Variants in ZSWIM9 observed in about 807,000 individuals in gnomAD.
ZSWIM9 encodes the protein uncharacterized protein ZSWIM9.
ZSWIM9 carries 11 observed loss-of-function variants against 25.0 expected under a neutral mutation model. The observed-to-expected ratio is 0.44, with a 90% CI of 0.28 to 0.73. The LOEUF is 0.73. Among genes scored for constraint, ZSWIM9 ranks in the 30% least tolerant of loss-of-function variants. The probability of loss-of-function intolerance (pLI) is 0.16; values close to 1 mark genes in which losing one functional copy is unlikely to be tolerated. For missense variants in ZSWIM9, 1,070 were observed against 1,296.5 expected, an observed-to-expected ratio of 0.83 and a Z score of 2.68; for synonymous variants, 562 against 582.1, an observed-to-expected ratio of 0.97 and a Z score of 0.50.
At chr19:48,187,459 A>AT (rs1416122137) in intron 3 of ZSWIM9, among the ~76,000 whole-genome samples, 4,277 of 77,320 alleles carry the variant, frequency 0.055, 736 homozygotes, top group South Asian at 0.078. Context: ...ATTATATATT[A>AT]ATTATATATA....
At chr19:48,174,652 GA>G (rs1254998855) in intron 2 of ZSWIM9, 1 of 152,204 alleles carries the variant, frequency 6.6e-6, no homozygotes, top group African/African-American at 2.4e-5. Context: ...CATGTATTGT[GA>G]AATACATTCT....
Position 48,194,527 on chromosome 19 carries a change from C to A in ZSWIM9, c.589-126C>A. On this transcript the variant is annotated intron_variant, in intron 3 of 3. Transcript: ENST00000614654. The surrounding 1 kb of genome is among the most constrained non-coding windows in gnomAD (Gnocchi z 6.0). ...CTCCTGCCGGTCAAAAGAATAAATGCATATGCAGGCAAGAATGAATGGGTG... is the reference window on the plus strand; with the variant it reads ...CTCCTGCCGGTCAAAAGAATAAATGAATATGCAGGCAAGAATGAATGGGTG... 2 of 961,998 alleles carry A rather than the reference C, an allele frequency of 2.1e-6. No homozygotes were observed. Among genetic ancestry groups the A allele is most frequent in the Non-Finnish European group, 2.8e-6 (2 of 709,074 alleles). The allele number at this position is 961,998 out of a possible 1,614,324, so 59.6% of individuals were successfully genotyped here. A position where few individuals can be genotyped will look rare whatever the true frequency, so the allele number is the denominator to read the frequency against.
chr19:48,192,407 G>A (rs1228888251), intron 3 of ZSWIM9, among the ~76,000 whole-genome samples: 3 of 126,186 alleles, frequency 2.4e-5, no homozygotes, highest in East Asian at 2.5e-4. Context: ...CCAAGATCAC[G>A]CCACTGCACT....
chr19:48,178,287 A>G (rs2123199139), intron 2 of ZSWIM9, among the ~76,000 whole-genome samples: 1 of 152,328 alleles, frequency 6.6e-6, no homozygotes, highest in Middle Eastern at 3.4e-3. Flanking sequence ...CACCTCGTGC[A>G]TGTAGGAAAA....
At chr19:48,177,397 A>G (rs1414398461) in intron 2 of ZSWIM9, among the ~76,000 whole-genome samples, 1 of 152,216 alleles carries the variant, frequency 6.6e-6, no homozygotes, top group Admixed American at 6.5e-5. Context: ...TCACACACTT[A>G]CTGAATACCT....
chr19:48,192,843 C>T (rs143669573), intron 3 of ZSWIM9, among the ~76,000 whole-genome samples: 123 of 152,166 alleles, frequency 8.1e-4, no homozygotes, highest in Non-Finnish European at 1.2e-3. Context: ...CAAGGCGACC[C>T]CATCAGTCTC....
Position 48,171,899 on chromosome 19 carries a change from T to C in ZSWIM9, c.97T>C (p.Phe33Leu), listed in dbSNP as rs1470165845. ...CTTCTCGTGGGCCGAGTTCAGCCGC[T>C]TCTTCGACGCGTGGTGCCAGCAGCG... ...AFFSWAEFSR[F>L]FDAWCQQRLA... is the part of the protein sequence containing the mutation. The change falls in exon 2 of 4, where the codon TTC (phenylalanine) becomes CTC (leucine). Residue 33 changes from phenylalanine (F) to leucine (L), a missense_variant. Around this residue, in one of 4 missense-constraint regions of ZSWIM9, gnomAD observed 265 missense variants for 339.0 expected, o/e 0.78. Transcript: ENST00000614654. 2.0e-6 allele frequency: 3 copies of C among 1,535,780 alleles called. No individual in the cohort carries two copies. The Admixed American group carries it at 5.9e-5, about 30-fold the overall frequency.
rs547550879 is a variant in ZSWIM9 at position 48,186,937 on chromosome 19, G to A, written c.588+4170G>A. Among the ~76,000 whole-genome samples the A allele has an allele frequency of 1.9e-4, 29 of 152,270 alleles. No homozygotes were observed. The East Asian group carries it at 5.0e-3, about 26-fold the overall frequency. Reference sequence around the variant, plus strand: ...ACAGAATAAACCCCCAGTCACTGGGGGTGGGGGAAGAGTAAGGGGAGAGGG... The same window carrying A: ...ACAGAATAAACCCCCAGTCACTGGGAGTGGGGGAAGAGTAAGGGGAGAGGG... On this transcript the variant is annotated intron_variant, in intron 3 of 3. Coordinates refer to ENST00000614654, the MANE Select transcript of ZSWIM9 (RefSeq NM_199341.4).
chr19:48,182,752 C>G lies in ZSWIM9; in HGVS notation c.573C>G (p.Thr191=). The G allele has an allele frequency of 2.0e-6, 3 of 1,527,656 alleles. No homozygotes were observed. Among genetic ancestry groups the G allele is most frequent in the Non-Finnish European group, 2.6e-6 (3 of 1,140,304 alleles). 94.6% of individuals were successfully genotyped at this position (1,527,656 alleles called of 1,614,324 possible). The stretch of plus-strand genomic sequence containing the variant: ...ACGTGCTCGAGGGCCTCTTCCGCAC[C>G]GACCCCGAGGCCAAGGTGGGGTCTC... ...ALHVLEGLFR[T]DPEAKVKLVF... The change falls in exon 3 of 4, where the codon ACC becomes ACG. Residue 191 remains threonine, a synonymous_variant. Transcript: ENST00000614654. This position sits in a 1 kb window ranked among gnomAD's most constrained non-coding sequence, Gnocchi z 4.6.
At chr19:48,190,530 T>C (rs943661655) in intron 3 of ZSWIM9, 11 of 154,860 alleles carry the variant, frequency 7.1e-5, no homozygotes, top group African/African-American at 2.6e-4. Context: ...AGGCTTCTCC[T>C]TGGATGCGAT....
At chr19:48,183,329 A>G (rs554724720) in intron 3 of ZSWIM9, among the ~76,000 whole-genome samples, 126 of 151,934 alleles carry the variant, frequency 8.3e-4, no homozygotes, top group African/African-American at 2.7e-3. Context: ...GGGTTTCACC[A>G]TGTTAGCCAG....
chr19:48,182,969 G>A lies in ZSWIM9; in HGVS notation c.588+202G>A. 1 of 589,500 alleles carries A rather than the reference G, an allele frequency of 1.7e-6. No homozygotes were observed. Among genetic ancestry groups the A allele is most frequent in the Non-Finnish European group, 3.0e-6 (1 of 330,870 alleles). The allele number at this position is 589,500 out of a possible 1,614,324, so 36.5% of individuals were successfully genotyped here. A position where few individuals can be genotyped will look rare whatever the true frequency, so the allele number is the denominator to read the frequency against. The stretch of plus-strand genomic sequence containing the variant: ...CCCACGTGGTCTCTGTCCGCAGAGA[G>A]CTTACCTTCTAGGGTAGTGCTGCCC... On this transcript the variant is annotated intron_variant, in intron 3 of 3. Coordinates refer to ENST00000614654, the MANE Select transcript of ZSWIM9 (RefSeq NM_199341.4). The surrounding 1 kb of genome is among the most constrained non-coding windows in gnomAD (Gnocchi z 4.6).
chr19:48,171,461 T>TC, intron 1 of ZSWIM9: 4 of 873,290 alleles, frequency 4.6e-6, no homozygotes, highest in Non-Finnish European at 5.5e-6. Context: ...TGAGGAGATG[T>TC]CCTTAAGGGA....
chr19:48,177,897 A>AT (rs576700943), intron 2 of ZSWIM9, among the ~76,000 whole-genome samples: 4 of 152,062 alleles, frequency 2.6e-5, no homozygotes, highest in Non-Finnish European at 5.9e-5. Flanking sequence ...CTAAATGTGC[A>AT]TTATTTTTGT....
chr19:48,196,730 C>T lies in ZSWIM9; in HGVS notation c.2666C>T (p.Pro889Leu). The T allele has an allele frequency of 8.1e-7, 1 of 1,233,376 alleles. No homozygotes were observed. Among genetic ancestry groups the T allele is most frequent in the Non-Finnish European group, 1.0e-6 (1 of 988,864 alleles). The allele number at this position is 1,233,376 out of a possible 1,614,324, so 76.4% of individuals were successfully genotyped here. A position where few individuals can be genotyped will look rare whatever the true frequency, so the allele number is the denominator to read the frequency against. ...SCSIHAARRL[P>L]CRHLFAARLL... is the part of the protein sequence containing the mutation. ...TCAATTCACGCCGCCCGCCGTCTGC[C>T]CTGCAGACACCTCTTTGCAGCGCGC... The change falls in exon 4 of 4, where the codon CCC (proline) becomes CTC (leucine). Residue 889 changes from proline (P) to leucine (L), a missense_variant. Physicochemically the swap from Pro to Leu is moderately conservative, Grantham distance 98. This residue lies in a region of ZSWIM9 where 583 missense variants were observed against 624.7 expected (regional missense o/e 0.93). Transcript: ENST00000614654.
At chr19:48,188,360 C>T (rs937229420) in intron 3 of ZSWIM9, among the ~76,000 whole-genome samples, 1 of 151,922 alleles carries the variant, frequency 6.6e-6, no homozygotes, top group African/African-American at 2.4e-5. Context: ...GTAGCTGGGA[C>T]TACAGGCGTG....
In ZSWIM9 at chr19:48,196,257, A is replaced by G; in HGVS notation, c.2193A>G (p.Gly731=). The stretch of plus-strand genomic sequence containing the variant: ...CGAGGGTCACAGGCATGGAGAATGG[A>G]GATGGAGGGGGAGCCCGGTCCGTGG... The part of the protein sequence containing the change: ...GDTRVTGMEN[G]DGGGARSVGP... Residue 731 remains glycine (G), a synonymous_variant, in exon 4 of 4, where the codon GGA becomes GGG. Transcript: ENST00000614654. The G allele has an allele frequency of 8.1e-7, 1 of 1,232,794 alleles. No homozygotes were observed. The highest frequency in any genetic ancestry group is 1.6e-5 in the African/African-American group (1 of 64,262). The allele number at this position is 1,232,794 out of a possible 1,614,324, so 76.4% of individuals were successfully genotyped here.
At position 48,195,877 on chromosome 19, in the gene ZSWIM9, A is replaced by G. The variant is rs2037157469; in HGVS notation, c.1813A>G (p.Ser605Gly). 17 of 1,414,602 alleles carry G rather than the reference A, an allele frequency of 1.2e-5. No individual in the cohort carries two copies. The highest frequency in any genetic ancestry group is 1.6e-5 in the Non-Finnish European group (17 of 1,089,482). 87.6% of individuals were successfully genotyped at this position (1,414,602 alleles called of 1,614,324 possible). A position where few individuals can be genotyped will look rare whatever the true frequency, so the allele number is the denominator to read the frequency against. The change falls in exon 4 of 4, where the codon AGT becomes GGT. Residue 605 changes from serine (S) to glycine (G), a missense_variant. Ser to Gly is a moderately conservative substitution (Grantham distance 56). Coordinates refer to ENST00000614654, the MANE Select transcript of ZSWIM9 (RefSeq NM_199341.4). The surrounding 1 kb of genome is among the most constrained non-coding windows in gnomAD (Gnocchi z 5.8). ...WRVAQLEDRR[S>G]TTDLRGTQFD... Reference sequence around the variant, plus strand: ...GGTGGCCCAGCTGGAAGATCGCAGGAGTACCACCGACCTGAGGGGGACCCA... The same window carrying G: ...GGTGGCCCAGCTGGAAGATCGCAGGGGTACCACCGACCTGAGGGGGACCCA...
At chr19:48,187,552 A>AT (rs1483823357) in intron 3 of ZSWIM9, 3 of 28,944 alleles carry the variant, frequency 1.0e-4, no homozygotes, top group African/African-American at 2.8e-4. Context: ...ATTATATTAT[A>AT]TATATTATAT....
Sources: gnomAD v4.1 joint callset for allele counts (sites outside exome capture counted in the v4.1 genomes callset) on GRCh38, gnomAD v4.1.1 for gene constraint, gnomAD v4.1.1 regional missense constraint, Gnocchi (gnomAD v3.1) non-coding constraint, MANE v1.5 for transcripts, NCBI Gene and HGNC (gene_info 2026-07-23, HGNC 2026-07-21) for gene names.